Variants in TMEM38B observed in about 807,000 individuals in gnomAD.
The protein encoded by TMEM38B is transmembrane protein 38B.
Under a neutral mutation model 28.7 loss-of-function variants are expected in TMEM38B, and 24 were observed. That is an observed-to-expected ratio of 0.84 (90% CI 0.61 to 1.18). The LOEUF (loss-of-function observed/expected upper bound fraction) is 1.18. Ranked by LOEUF, TMEM38B falls within the 50% of genes most tolerant of loss-of-function variation. The pLI is 0.00. For missense variants in TMEM38B, 380 were observed against 350.9 expected, an observed-to-expected ratio of 1.08 and a Z score of -0.66; for synonymous variants, 131 against 127.7, an observed-to-expected ratio of 1.03 and a Z score of -0.17.
chr9:105,725,890 G>C (rs1408382370), intron 4 of TMEM38B, among the ~76,000 whole-genome samples: 1 of 151,892 alleles, frequency 6.6e-6, no homozygotes, highest in East Asian at 1.9e-4. Context: ...GTACACTGAG[G>C]CAACACTAAA....
Position 105,747,713 on chromosome 9 carries a change from T to C in TMEM38B, c.543-360T>C, listed in dbSNP as rs116790142. ...TTTCCTGCTTTCTCTTGTGGGCACC[T>C]AGTGCTATAAATTTCGCTCTACACA... On this transcript the variant is annotated intron_variant, in intron 4 of 5. Transcript: ENST00000374692. Among the ~76,000 whole-genome samples, 1,159 of 152,222 alleles carry C rather than the reference T, an allele frequency of 7.6e-3. 9 individuals are homozygous for C. The highest frequency in any genetic ancestry group is 0.026 in the African/African-American group (1,092 of 41,544).
chr9:105,755,749 C>CT (rs1564413222), intron 5 of TMEM38B, among the ~76,000 whole-genome samples: 1 of 152,102 alleles, frequency 6.6e-6, no homozygotes, highest in South Asian at 2.1e-4. Flanking sequence ...AAGTCTTACA[C>CT]TTTTTTTGTT....
chr9:105,762,581 A>G (rs1305744045), intron 5 of TMEM38B, among the ~76,000 whole-genome samples: 9 of 144,150 alleles, frequency 6.2e-5, no homozygotes, highest in Non-Finnish European at 3.0e-5. Context: ...TACAAAGGAC[A>G]TGAACTCATC....
chr9:105,698,066 C>CGT (rs1554773351), intron 1 of TMEM38B, among the ~76,000 whole-genome samples: 1 of 151,644 alleles, frequency 6.6e-6, no homozygotes, highest in African/African-American at 2.4e-5. Flanking sequence ...ATCCCACGTG[C>CGT]ATAGACCTCT....
intron 2 of TMEM38B, among the ~76,000 whole-genome samples, chr9:105,713,512 G>A (rs531257426): frequency 2.0e-5 from 3 of 152,324 alleles, no homozygotes; most frequent in Admixed American, 1.3e-4. Context: ...TGCCACCTTG[G>A]CCCCCTCTGG....
intron 4 of TMEM38B, among the ~76,000 whole-genome samples, chr9:105,729,504 T>A (rs1048953218): frequency 2.0e-5 from 3 of 152,184 alleles, no homozygotes; most frequent in Admixed American, 2.0e-4. Flanking sequence ...TAGTTTGAAG[T>A]CAGGTAGCGT....
chr9:105,773,809 C>G (rs1253986781), intron 5 of TMEM38B, 56 bp from the exon 6 acceptor site: 2 of 1,535,310 alleles, frequency 1.3e-6, no homozygotes, highest in African/African-American at 1.4e-5. Context: ...GTTTCTCTCT[C>G]TTGAGAAACA....
intron 5 of TMEM38B, chr9:105,758,695 A>G (rs1363246949): frequency 8.0e-6 from 6 of 749,190 alleles, no homozygotes; most frequent in Non-Finnish European, 1.2e-5. Flanking sequence ...GAATTGAGAA[A>G]AAACAACATA....
chr9:105,694,601 C>T lies in TMEM38B; in HGVS notation c.-60C>T. ...GGCTGTGCCCTCTCCTACTCCTCAC[C>T]GCGCGAGCGCGGGGAACCAGTAGCC... On this transcript the variant is annotated 5_prime_UTR_variant, in exon 1 of 6. Transcript: ENST00000374692. 1.4e-6 allele frequency: 2 copies of T among 1,465,146 alleles called. No individual in the cohort carries two copies. The highest frequency in any genetic ancestry group is 2.3e-5 in the East Asian group (1 of 43,746). 90.8% of individuals were successfully genotyped at this position (1,465,146 alleles called of 1,614,324 possible). A position where few individuals can be genotyped will look rare whatever the true frequency, so the allele number is the denominator to read the frequency against.
chr9:105,750,054 C>G (rs148657698), intron 5 of TMEM38B, among the ~76,000 whole-genome samples: 114 of 152,258 alleles, frequency 7.5e-4, no homozygotes, highest in South Asian at 1.9e-3. Flanking sequence ...TTATAGCCAC[C>G]CTAGTGGGTG....
chr9:105,695,344 C>T (rs1228145475), intron 1 of TMEM38B, among the ~76,000 whole-genome samples: 2 of 152,202 alleles, frequency 1.3e-5, no homozygotes, highest in Non-Finnish European at 2.9e-5. Flanking sequence ...GACCAGGATT[C>T]CCCTTCACGC....
At chr9:105,753,772 C>T (rs1336362655) in intron 5 of TMEM38B, among the ~76,000 whole-genome samples, 1 of 152,136 alleles carries the variant, frequency 6.6e-6, no homozygotes, top group Non-Finnish European at 1.5e-5. Context: ...TGCAAAATAA[C>T]CAGCTAGCAT....
chr9:105,734,473 G>C (rs1836893449), intron 4 of TMEM38B, among the ~76,000 whole-genome samples: 1 of 152,072 alleles, frequency 6.6e-6, no homozygotes, highest in South Asian at 2.1e-4. Flanking sequence ...CTAAAGTATA[G>C]TTCACATTCA....
chr9:105,758,587 T>G, intron 5 of TMEM38B: 3 of 1,028,594 alleles, frequency 2.9e-6, no homozygotes. Context: ...ATTGAAGATA[T>G]CAAAGGCAGG....
chr9:105,743,695 C>T, intron 4 of TMEM38B, among the ~76,000 whole-genome samples: 1 of 152,150 alleles, frequency 6.6e-6, no homozygotes, highest in East Asian at 1.9e-4. Context: ...CAGTTGTGTA[C>T]ATCTCTCCTC....
chr9:105,703,531 T>A (rs1039539977), intron 1 of TMEM38B, among the ~76,000 whole-genome samples: 2 of 152,224 alleles, frequency 1.3e-5, no homozygotes, highest in South Asian at 2.1e-4. Flanking sequence ...TCTTTATAGC[T>A]GCATGATTTA....
intron 5 of TMEM38B, among the ~76,000 whole-genome samples, chr9:105,765,051 C>T (rs1185275440): frequency 6.6e-6 from 1 of 152,124 alleles, no homozygotes; most frequent in Non-Finnish European, 1.5e-5. Context: ...GAAACTGGAT[C>T]CCTTCCTTAC....
chr9:105,727,230 C>T (rs1271616678), intron 4 of TMEM38B, among the ~76,000 whole-genome samples: 2 of 152,106 alleles, frequency 1.3e-5, no homozygotes, highest in Non-Finnish European at 2.9e-5. Flanking sequence ...TCCCCCGACC[C>T]TGCCCACTGG....
rs1487700657 is a variant in TMEM38B at position 105,762,389 on chromosome 9, C to T, written c.661-11476C>T. ...ATTATCTAGCATTAGGTATATCTCC[C>T]AATGCTATCCCTCCCCCCTCCCCCC... On this transcript the variant is annotated intron_variant, in intron 5 of 5. Transcript: ENST00000374692. Among the ~76,000 whole-genome samples, 8 of 144,658 alleles carry T rather than the reference C, an allele frequency of 5.5e-5. 1 individual carries two copies. The South Asian group carries it at 1.4e-3, about 26-fold the overall frequency. The allele number at this position is 144,658 out of a possible 152,430, so 94.9% of individuals were successfully genotyped here.
Sources: allele counts gnomAD v4.1 joint callset (sites outside exome capture counted in the v4.1 genomes callset), GRCh38; gene constraint gnomAD v4.1.1; transcripts MANE v1.5; gene names NCBI Gene and HGNC (gene_info 2026-07-23, HGNC 2026-07-21).